Variants in TFAM observed in about 807,000 individuals in gnomAD.
TFAM encodes transcription factor A, mitochondrial.
TFAM carries 13 observed loss-of-function variants against 30.6 expected under a neutral mutation model. That is an observed-to-expected ratio of 0.42 (90% CI 0.28 to 0.67). The LOEUF (loss-of-function observed/expected upper bound fraction) is 0.67, where lower values mean the gene tolerates loss of function less well. TFAM is among the 30% of genes least tolerant of loss of function. The pLI is 0.21. For synonymous variants in TFAM, 106 were observed against 94.8 expected, an observed-to-expected ratio of 1.12 and a Z score of -0.69; for missense variants, 231 against 293.7, an observed-to-expected ratio of 0.79 and a Z score of 1.56.
intron 5 of TFAM, among the ~76,000 whole-genome samples, chr10:58,393,214 C>G (rs1840627863): frequency 6.6e-6 from 1 of 151,996 alleles, no homozygotes; most frequent in Non-Finnish European, 1.5e-5. Context: ...CTCCTGACCT[C>G]ATGATCTGCC....
rs1474418747 is a variant in TFAM at position 58,388,203 on chromosome 10, A to G, written c.234A>G (p.Thr78=). Residue 78 remains threonine, a synonymous_variant, in exon 3 of 7, where the codon ACA becomes ACG. Transcript: ENST00000487519. ...TTCATTCCATAGATGCAAAAACTAC[A>G]GAACTAATTAGAAGAATTGCCCAGC... ...FKAQNPDAKT[T]ELIRRIAQRW... 1 of 1,613,912 alleles carries G rather than the reference A, an allele frequency of 6.2e-7. No homozygotes were observed. The highest frequency in any genetic ancestry group is 8.5e-7 in the Non-Finnish European group (1 of 1,179,866).
Position 58,386,201 on chromosome 10 carries a change from T to C in TFAM, c.102-19T>C. ...GTTAAACATCTGACACTGGTTATTT[T>C]CTTTTTGTTTATATGTAGTTTTGTG... is the stretch of plus-strand genomic sequence containing the variant. On this transcript the variant is annotated intron_variant, in intron 1 of 6. Coordinates refer to ENST00000487519, the MANE Select transcript of TFAM (RefSeq NM_003201.3). 3 of 1,501,504 alleles carry C rather than the reference T, an allele frequency of 2.0e-6. No individual in the cohort carries two copies. The highest frequency in any genetic ancestry group is 2.8e-6 in the Non-Finnish European group (3 of 1,077,796). 93.0% of individuals were successfully genotyped at this position (1,501,504 alleles called of 1,614,324 possible).
intron 4 of TFAM, among the ~76,000 whole-genome samples, chr10:58,389,122 A>G (rs529326874): frequency 6.6e-6 from 1 of 152,322 alleles, no homozygotes; most frequent in East Asian, 1.9e-4. Context: ...TCAAACCAGG[A>G]GTATCAAGAA....
rs930924507 is a variant in TFAM at position 58,397,612 on chromosome 10, C to A, written c.*2538C>A. 6.6e-6 allele frequency: 1 copy of A among 152,066 alleles called. No homozygotes were observed. Among genetic ancestry groups the A allele is most frequent in the African/African-American group, 2.4e-5 (1 of 41,392 alleles). 9.4% of individuals were successfully genotyped at this position (152,066 alleles called of 1,614,324 possible). A position where few individuals can be genotyped will look rare whatever the true frequency, so the allele number is the denominator to read the frequency against. On this transcript the variant is annotated 3_prime_UTR_variant, in exon 7 of 7. Coordinates refer to ENST00000487519, the MANE Select transcript of TFAM (RefSeq NM_003201.3). The stretch of plus-strand genomic sequence containing the variant: ...ATCCAGAATACACACTGGATCCAAG[C>A]CTTTCTTAAACATCAGTACATGTGG...
At chr10:58,394,872 AATC>A in intron 6 of TFAM, 53 bp from the exon 7 acceptor site, 1 of 1,523,314 alleles carries the variant, frequency 6.6e-7, no homozygotes, top group African/African-American at 1.4e-5. Context: ...TATTTTAAAT[AATC>A]ATTTTATCTC....
At chr10:58,389,488 G>C (rs1393454593) in intron 4 of TFAM, among the ~76,000 whole-genome samples, 2 of 152,236 alleles carry the variant, frequency 1.3e-5, no homozygotes, top group Admixed American at 6.5e-5. Context: ...GATCATCAGA[G>C]TTAAAACTAT....
Position 58,395,401 on chromosome 10 carries a change from T to A in TFAM, c.*327T>A. 3.2e-6 allele frequency: 1 copy of A among 313,668 alleles called. No homozygotes were observed. Among genetic ancestry groups the A allele is most frequent in the Non-Finnish European group, 6.0e-6 (1 of 167,640 alleles). 19.4% of individuals were successfully genotyped at this position (313,668 alleles called of 1,614,324 possible). On this transcript the variant is annotated 3_prime_UTR_variant, in exon 7 of 7. Transcript: ENST00000487519. ...ATGATGACTATGGAAAGAGTACTCT[T>A]GTTTCCTTATATTATGGAGGCAGGA...
rs1840471542 is a variant in TFAM at position 58,385,643 on chromosome 10, C to A, written c.96C>A (p.Pro32=). The change falls in exon 1 of 7, where the codon CCC becomes CCA. Residue 32 remains proline, a synonymous_variant. Transcript: ENST00000487519. ...CTGCGSRLRS[P]FSFVYLPRWF... ...GCTGTGGAAGTCGACTGCGCTCCCC[C>A]TTCAGGTAGGCCCGCTTGCCTGTGC... 6.4e-7 allele frequency: 1 copy of A among 1,555,496 alleles called. No homozygotes were observed. Among genetic ancestry groups the A allele is most frequent in the East Asian group, 2.4e-5 (1 of 41,258 alleles).
intron 6 of TFAM, chr10:58,394,641 C>T: frequency 3.0e-6 from 2 of 672,534 alleles, no homozygotes; most frequent in South Asian, 3.4e-5. Context: ...CCTGAGTGTC[C>T]ACTTATTCAG....
chr10:58,386,101 A>G (rs778488085), intron 1 of TFAM, 119 bp from the exon 2 acceptor site: 1 of 806,492 alleles, frequency 1.2e-6, no homozygotes, highest in Non-Finnish European at 2.2e-6. Context: ...ATTCTTGTTG[A>G]AGGCGTTGGA....
chr10:58,388,160 C>T (rs768390479), intron 2 of TFAM, 30 bp from the exon 3 acceptor site: 1 of 1,574,534 alleles, frequency 6.4e-7, no homozygotes, highest in African/African-American at 1.3e-5. Flanking sequence ...AAAATTGTGG[C>T]ATCTTTTTTC....
Position 58,388,402 on chromosome 10 carries a change from CATAA to C in TFAM, c.291+147_291+150del, listed in dbSNP as rs1413533253. 1.9e-5 allele frequency: 15 copies of C among 803,502 alleles called. No individual in the cohort carries two copies. The East Asian group carries it at 3.9e-4, about 21-fold the overall frequency. 49.8% of individuals were successfully genotyped at this position (803,502 alleles called of 1,614,324 possible). A position where few individuals can be genotyped will look rare whatever the true frequency, so the allele number is the denominator to read the frequency against. Reference sequence around the variant, plus strand: ...AAGAAACTTTATGTCTTCTCATCTGCATAAATAATGAGAATATGGATGTATGGGG... The same window carrying C: ...AAGAAACTTTATGTCTTCTCATCTGCATAATGAGAATATGGATGTATGGGG... On this transcript the variant is annotated intron_variant, in intron 3 of 6. Coordinates refer to ENST00000487519, the MANE Select transcript of TFAM (RefSeq NM_003201.3).
At position 58,390,840 on chromosome 10, in the gene TFAM, G is replaced by A; in HGVS notation, c.517G>A (p.Ala173Thr). Residue 173 changes from alanine (A) to threonine (T), a missense_variant, in exon 5 of 7, where the codon GCT becomes ACT. By Grantham distance (58) the Ala-to-Thr change is moderately conservative. Coordinates refer to ENST00000487519, the MANE Select transcript of TFAM (RefSeq NM_003201.3). ...TTATGTAGCTGAAAGATTCCAAGAA[G>A]CTAAGGGTGATTCACCGCAGGTAAA... ...NVYVAERFQEAKGDSPQEKLK... is the reference protein window; with the variant it reads ...NVYVAERFQETKGDSPQEKLK... 1 of 1,613,072 alleles carries A rather than the reference G, an allele frequency of 6.2e-7. No homozygotes were observed. Among genetic ancestry groups the A allele is most frequent in the Non-Finnish European group, 8.5e-7 (1 of 1,179,688 alleles).
intron 4 of TFAM, among the ~76,000 whole-genome samples, chr10:58,389,050 C>T (rs1178414348): frequency 6.6e-6 from 1 of 152,128 alleles, no homozygotes; most frequent in Non-Finnish European, 1.5e-5. Flanking sequence ...GATGTATCCA[C>T]ATTTAAGGTG....
At chr10:58,390,614 C>T (rs931911905) in intron 4 of TFAM, 151 bp from the exon 5 acceptor site, 42 of 638,576 alleles carry the variant, frequency 6.6e-5, no homozygotes, top group East Asian at 1.4e-4. Flanking sequence ...AAATTCTGAC[C>T]GCAAGATGTA....
At chr10:58,387,861 T>C (rs1589011581) in intron 2 of TFAM, among the ~76,000 whole-genome samples, 1 of 150,832 alleles carries the variant, frequency 6.6e-6, no homozygotes. Context: ...GCACAGGAGG[T>C]GGAGGTTGCA....
chr10:58,386,701 G>C, intron 2 of TFAM: 1 of 1,129,894 alleles, frequency 8.9e-7, no homozygotes, highest in Non-Finnish European at 1.1e-6. Flanking sequence ...AACTTCTGTG[G>C]AAGCATCCAT....
intron 5 of TFAM, among the ~76,000 whole-genome samples, chr10:58,391,653 TC>T (rs2132357109): frequency 1.3e-5 from 2 of 152,126 alleles, no homozygotes; most frequent in Non-Finnish European, 2.9e-5. Flanking sequence ...TTAACTGTCA[TC>T]CCACTGTTGT....
intron 4 of TFAM, among the ~76,000 whole-genome samples, chr10:58,389,624 C>CT (rs1408993104): frequency 1.3e-5 from 2 of 152,280 alleles, no homozygotes; most frequent in African/African-American, 4.8e-5. Flanking sequence ...CATGATGCCG[C>CT]TACTTTAGGG....
Sources: gnomAD v4.1 joint callset for allele counts (sites outside exome capture counted in the v4.1 genomes callset) on GRCh38, gnomAD v4.1.1 for gene constraint, MANE v1.5 for transcripts, NCBI Gene and HGNC (gene_info 2026-07-23, HGNC 2026-07-21) for gene names.